The following FBXL20 variants were observed in gnomAD, a reference collection of about 807,000 sequenced individuals.
The protein encoded by FBXL20 is F-box/LRR-repeat protein 20.
A neutral mutation model predicts 64.0 loss-of-function variants in FBXL20; 11 were observed. That is an observed-to-expected ratio of 0.17 (90% CI 0.11 to 0.28). The LOEUF is 0.28. FBXL20 is among the 10% of genes least tolerant of loss of function. FBXL20 has a pLI of 1.00. For synonymous variants in FBXL20, 184 were observed against 189.0 expected, an observed-to-expected ratio of 0.97 and a Z score of 0.22; for missense variants, 303 against 526.2, an observed-to-expected ratio of 0.58 and a Z score of 4.15.
Position 39,253,275 on chromosome 17 carries a change from C to T in FBXL20, c.*8185G>A, listed in dbSNP as rs542236077. 3 of 152,448 alleles carry T rather than the reference C, an allele frequency of 2.0e-5. No individual in the cohort carries two copies. The highest frequency in any genetic ancestry group is 1.9e-4 in the East Asian group (1 of 5,322). The allele number at this position is 152,448 out of a possible 1,614,324, so 9.4% of individuals were successfully genotyped here. A position where few individuals can be genotyped will look rare whatever the true frequency, so the allele number is the denominator to read the frequency against. On this transcript the variant is annotated 3_prime_UTR_variant, in exon 15 of 15. Coordinates refer to ENST00000264658, the MANE Select transcript of FBXL20 (RefSeq NM_032875.3). ...TGAGCTCTGCACAGGCCACATTATT[C>T]GGATCTGTACTCTCAGGGTCACGGG... is the stretch of plus-strand genomic sequence containing the variant.
Position 39,355,529 on chromosome 17 carries a change from T to G in FBXL20, c.43-12288A>C, listed in dbSNP as rs532875824. On this transcript the variant is annotated intron_variant, in intron 1 of 14. Transcript: ENST00000264658. Reference sequence around the variant, plus strand: ...TTTAATTTTGATAAACTGCAATTTTTTTCTTGATGTATCATGCTTTTGATG... The same window carrying G: ...TTTAATTTTGATAAACTGCAATTTTGTTCTTGATGTATCATGCTTTTGATG... 1.9e-3 allele frequency among the ~76,000 whole-genome samples: 282 copies of G among 152,226 alleles called. 2 individuals carry two copies. Among genetic ancestry groups the G allele is most frequent in the African/African-American group, 6.5e-3 (269 of 41,544 alleles).
At chr17:39,346,340 C>CA (rs368093968) in intron 1 of FBXL20, among the ~76,000 whole-genome samples, 5,810 of 144,268 alleles carry the variant, frequency 0.04, 168 homozygotes, top group Non-Finnish European at 0.064. Flanking sequence ...GATCCTGTCT[C>CA]AAAAAAAAAA....
rs2047046870 is a variant in FBXL20, at chr17:39,292,296, T to TAATA, written c.398+4827_398+4830dup. Among the ~76,000 whole-genome samples the TAATA allele has an allele frequency of 2.0e-5, 3 of 150,904 alleles. No homozygotes were observed. The South Asian group carries it at 6.2e-4, about 31-fold the overall frequency. On this transcript the variant is annotated intron_variant, in intron 6 of 14. Coordinates refer to ENST00000264658, the MANE Select transcript of FBXL20 (RefSeq NM_032875.3). ...CTCCAACTTTCCCAACTAGTATTTA[T>TAATA]AATAGTATGTATTTTCCCATTCTTT... is the stretch of plus-strand genomic sequence containing the variant.
intron 4 of FBXL20, 26 bp from the exon 5 acceptor site, chr17:39,299,110 A>G (rs1419893017): frequency 1.1e-5 from 16 of 1,483,192 alleles, no homozygotes; most frequent in Admixed American, 1.8e-5. Flanking sequence ...GGCAAACAAA[A>G]AGATAACCCA....
intron 1 of FBXL20, among the ~76,000 whole-genome samples, chr17:39,391,367 A>G (rs2144676321): frequency 6.6e-6 from 1 of 152,264 alleles, no homozygotes; most frequent in South Asian, 2.1e-4. Flanking sequence ...AGATGTAAGC[A>G]AAGAAATCTA....
chr17:39,280,766 A>G (rs1266154572), intron 9 of FBXL20, among the ~76,000 whole-genome samples: 12 of 151,966 alleles, frequency 7.9e-5, no homozygotes, highest in Non-Finnish European at 1.5e-5. Context: ...ATTGCTCATC[A>G]TCTTATTTAT....
intron 1 of FBXL20, among the ~76,000 whole-genome samples, chr17:39,390,881 T>G (rs1186112065): frequency 6.6e-6 from 1 of 152,032 alleles, no homozygotes; most frequent in Non-Finnish European, 1.5e-5. Context: ...ACCCTGTCTC[T>G]ACTAAAAATA....
chr17:39,298,678 C>A (rs961978108), intron 5 of FBXL20, among the ~76,000 whole-genome samples: 1 of 152,056 alleles, frequency 6.6e-6, no homozygotes, highest in African/African-American at 2.4e-5. Context: ...TATGCCAGGG[C>A]ACTCCAGCCT....
chr17:39,324,964 G>A (rs1462629944), intron 2 of FBXL20, among the ~76,000 whole-genome samples: 1 of 152,200 alleles, frequency 6.6e-6, no homozygotes, highest in Non-Finnish European at 1.5e-5. Flanking sequence ...AGCACTTTGG[G>A]AAGTGCCAAG....
chr17:39,295,061 T>G (rs748090724), intron 6 of FBXL20, among the ~76,000 whole-genome samples: 1 of 152,166 alleles, frequency 6.6e-6, no homozygotes, highest in Non-Finnish European at 1.5e-5. Context: ...GTCTAGGACT[T>G]TTTTTCAAAA....
intron 1 of FBXL20, among the ~76,000 whole-genome samples, chr17:39,377,671 T>C (rs1567902703): frequency 1.3e-5 from 2 of 152,042 alleles, no homozygotes; most frequent in Admixed American, 1.3e-4. Flanking sequence ...CGGCTAATTT[T>C]TTTGTATTTT....
At chr17:39,344,829 A>G (rs186780626) in intron 1 of FBXL20, among the ~76,000 whole-genome samples, 10 of 152,228 alleles carry the variant, frequency 6.6e-5, no homozygotes, top group Admixed American at 4.6e-4. Flanking sequence ...ATTCTCTTTC[A>G]TGTTTATATA....
chr17:39,321,494 A>G (rs1229637916), intron 2 of FBXL20, among the ~76,000 whole-genome samples: 3 of 146,884 alleles, frequency 2.0e-5, no homozygotes, highest in African/African-American at 7.6e-5. Context: ...AAATCAGTCT[A>G]GGGCCAGGCA....
At chr17:39,294,806 G>T (rs1238706136) in intron 6 of FBXL20, among the ~76,000 whole-genome samples, 1 of 152,108 alleles carries the variant, frequency 6.6e-6, no homozygotes, top group Non-Finnish European at 1.5e-5. Context: ...GAGGTCAGGA[G>T]ATCCTGACCA....
At position 39,300,607 on chromosome 17, in the gene FBXL20, AAC is replaced by A. The variant is rs2047125242; in HGVS notation, c.234+392_234+393del. Among the ~76,000 whole-genome samples, 3 of 152,302 alleles carry A rather than the reference AAC, an allele frequency of 2.0e-5. No individual in the cohort carries two copies. In the East Asian group the frequency reaches 5.8e-4, roughly 29 times the overall value. On this transcript the variant is annotated intron_variant, in intron 4 of 14. Transcript: ENST00000264658. The stretch of plus-strand genomic sequence containing the variant: ...AAGAAATTGGCTCCTCAAGAACCAA[AAC>A]ACATATCTCAAAAAAATATATACGA...
chr17:39,270,332 T>C (rs1433380902), intron 11 of FBXL20, among the ~76,000 whole-genome samples: 1 of 152,082 alleles, frequency 6.6e-6, no homozygotes, highest in Admixed American at 6.6e-5. Context: ...TGACTTGAGG[T>C]TGGGAGTTGA....
intron 1 of FBXL20, among the ~76,000 whole-genome samples, chr17:39,400,049 G>A (rs188574716): frequency 1.6e-4 from 25 of 152,200 alleles, no homozygotes; most frequent in African/African-American, 4.8e-4. Context: ...CTTTATTGGG[G>A]CTCTGTACAT....
intron 1 of FBXL20, among the ~76,000 whole-genome samples, chr17:39,361,580 T>G (rs1287505789): frequency 1.3e-5 from 2 of 151,416 alleles, no homozygotes; most frequent in African/African-American, 4.9e-5. Flanking sequence ...GGTAGATCAT[T>G]AAGTCAGGAG....
intron 1 of FBXL20, among the ~76,000 whole-genome samples, chr17:39,369,083 GA>G (rs1421632283): frequency 6.6e-6 from 1 of 151,956 alleles, no homozygotes; most frequent in Non-Finnish European, 1.5e-5. Context: ...GCTATTTGAA[GA>G]AAGGAAATAG....
Sources: gnomAD v4.1 joint callset for allele counts (sites outside exome capture counted in the v4.1 genomes callset) on GRCh38, gnomAD v4.1.1 for gene constraint, MANE v1.5 for transcripts, NCBI Gene and HGNC (gene_info 2026-07-23, HGNC 2026-07-21) for gene names.